The following ACACB variants were observed in gnomAD, a reference collection of about 807,000 sequenced individuals.
ACACB encodes acetyl-CoA carboxylase beta.
ACACB carries 209 observed loss-of-function variants against 278.8 expected under a neutral mutation model. The observed-to-expected ratio is 0.75, with a 90% CI of 0.67 to 0.84. The LOEUF is 0.84. ACACB is among the 40% of genes least tolerant of loss of function. ACACB has a pLI of 0.00. For synonymous variants in ACACB, 1,174 were observed against 1,285.6 expected (o/e 0.91, Z 1.86); for missense variants, 2,850 against 3,269.0 (o/e 0.87, Z 3.13).
chr12:109,113,071 A>G (rs2042340381), upstream of ACACB: 2 of 152,198 alleles, frequency 1.3e-5, no homozygotes, highest in Admixed American at 6.5e-5. Context: ...CTAAGCATTT[A>G]ACAAATGTAA....
Position 109,188,209 on chromosome 12 carries a change from CCTTCCT to C in ACACB, c.2144+48_2144+53del, listed in dbSNP as rs2044736173. 4 of 1,375,154 alleles carry C rather than the reference CCTTCCT, an allele frequency of 2.9e-6. No homozygotes were observed. In the East Asian group the frequency reaches 9.7e-5, roughly 33 times the overall value. 85.2% of individuals were successfully genotyped at this position (1,375,154 alleles called of 1,614,324 possible). On this transcript the variant is annotated intron_variant, in intron 13 of 52. Transcript: ENST00000338432. Reference sequence around the variant, plus strand: ...TCCTTCCTTCCTTCCTTCCTTCCTTCCTTCCTTCCTTCCTTCCTTCCTTCCCTCTCT... The same window carrying C: ...TCCTTCCTTCCTTCCTTCCTTCCTTCTCCTTCCTTCCTTCCTTCCCTCTCT...
chr12:109,111,262 G>T, the ACACB span: 1 of 152,480 alleles, frequency 6.6e-6, no homozygotes, highest in Non-Finnish European at 1.5e-5. Context: ...CCCCAGAGGG[G>T]TAACTAACGG....
chr12:109,209,793 G>GTA (rs1244447011), intron 21 of ACACB, among the ~76,000 whole-genome samples: 50 of 145,574 alleles, frequency 3.4e-4, no homozygotes, highest in South Asian at 6.4e-4. Flanking sequence ...GTATCTGTGT[G>GTA]TATATATATA....
At chr12:109,212,783 C>T (rs2045887194) in intron 21 of ACACB, 53 bp from the exon 22 acceptor site, 1 of 1,489,266 alleles carries the variant, frequency 6.7e-7, no homozygotes, top group Admixed American at 1.7e-5. Context: ...TAGGGGACTG[C>T]TGTGTGTCAT....
intron 13 of ACACB, 65 bp downstream of exon 13, chr12:109,188,227 T>TTCCTTCCC: frequency 1.2e-6 from 1 of 823,104 alleles, no homozygotes; most frequent in Admixed American, 2.6e-5. Context: ...CCTTCCTTCC[T>TTCCTTCCC]TCCTTCCCTC....
chr12:109,164,257 G>C (rs113719161), intron 2 of ACACB, among the ~76,000 whole-genome samples: 4 of 152,292 alleles, frequency 2.6e-5, no homozygotes, highest in African/African-American at 7.2e-5. Flanking sequence ...GTTTGAGATA[G>C]AGTCTCACTC....
intron 2 of ACACB, among the ~76,000 whole-genome samples, chr12:109,156,236 G>GA (rs930049657): frequency 2.7e-5 from 4 of 148,958 alleles, no homozygotes; most frequent in Non-Finnish European, 4.5e-5. Context: ...CCCCATCTCT[G>GA]AAAAAAAATG....
At chr12:109,246,529 AGGTG>A in intron 39 of ACACB, 81 bp downstream of exon 39, 2 of 1,530,676 alleles carry the variant, frequency 1.3e-6, no homozygotes, top group Admixed American at 1.9e-5. Flanking sequence ...CACCTGCAAG[AGGTG>A]AAAAAAATCT....
intron 39 of ACACB, among the ~76,000 whole-genome samples, chr12:109,246,705 C>T (rs1173957870): frequency 1.3e-5 from 2 of 152,072 alleles, no homozygotes; most frequent in South Asian, 2.1e-4. Context: ...AAACCCTGAG[C>T]TGATATACAC....
At chr12:109,167,654 T>TATATATA (rs71079531) in intron 3 of ACACB, among the ~76,000 whole-genome samples, 23 of 138,686 alleles carry the variant, frequency 1.7e-4, no homozygotes, top group South Asian at 4.6e-4. Context: ...TATATATATA[T>TATATATA]TTCAGACAAA....
At chr12:109,113,189 C>T (rs1378687159), upstream of ACACB, 2 of 152,210 alleles carry the variant, frequency 1.3e-5, no homozygotes, top group Non-Finnish European at 2.9e-5. Flanking sequence ...AAGGCAGCAA[C>T]GGCTGGGTCA....
chr12:109,246,531 G>A lies in ACACB; in HGVS notation c.5571+83G>A, dbSNP rs1254797411. 6 of 1,525,188 alleles carry A rather than the reference G, an allele frequency of 3.9e-6. No homozygotes were observed. The Admixed American group carries it at 9.5e-5, about 24-fold the overall frequency. The allele number at this position is 1,525,188 out of a possible 1,614,324, so 94.5% of individuals were successfully genotyped here. On this transcript the variant is annotated intron_variant, in intron 39 of 52. Coordinates refer to ENST00000338432, the MANE Select transcript of ACACB (RefSeq NM_001093.4). ...GTGGGAGTGCTAGCACCTGCAAGAG[G>A]TGAAAAAAATCTCACTTATGTATAA...
At chr12:109,166,219 C>A (rs1477292667) in intron 2 of ACACB, among the ~76,000 whole-genome samples, 1 of 152,148 alleles carries the variant, frequency 6.6e-6, no homozygotes, top group Non-Finnish European at 1.5e-5. Context: ...TGGACTTCTT[C>A]CCTGATCATA....
chr12:109,262,284 C>T (rs2047398554), intron 48 of ACACB, 73 bp from the exon 49 acceptor site: 1 of 1,208,748 alleles, frequency 8.3e-7, no homozygotes, highest in Non-Finnish European at 1.2e-6. Flanking sequence ...CCTCCAGCTC[C>T]CCCCACATCC....
Position 109,264,256 on chromosome 12 carries a change from A to T in ACACB, c.6812A>T (p.Asp2271Val). 6.2e-7 allele frequency: 1 copy of T among 1,613,878 alleles called. No homozygotes were observed. The highest frequency in any genetic ancestry group is 8.5e-7 in the Non-Finnish European group (1 of 1,179,992). The change falls in exon 50 of 53, where the codon GAC becomes GTC. Residue 2271 changes from aspartate (D) to valine (V), a missense_variant. Physicochemically the swap from Asp to Val is radical, Grantham distance 152. This residue lies in a region of ACACB where 579 missense variants were observed against 684.6 expected (regional missense o/e 0.85). Transcript: ENST00000338432. ...QLGEPDLSDK[D>V]RKDLEGRLKA... Reference sequence around the variant, plus strand: ...GGGGAACCTGATCTCTCCGACAAGGACCGAAAGGACCTGGAGGGCCGGCTA... The same window carrying T: ...GGGGAACCTGATCTCTCCGACAAGGTCCGAAAGGACCTGGAGGGCCGGCTA...
In ACACB at chr12:109,235,382, T is replaced by G. The variant is rs755520928; in HGVS notation, c.4404+13T>G. 1 of 1,610,614 alleles carries G rather than the reference T, an allele frequency of 6.2e-7. No homozygotes were observed. ...GATTGCCCAAGAGGTTAGTTCACAG[T>G]TCATCTCTATGAGTCTTTCCCATTC... On this transcript the variant is annotated intron_variant, in intron 32 of 52. Coordinates refer to ENST00000338432, the MANE Select transcript of ACACB (RefSeq NM_001093.4).
intron 19 of ACACB, among the ~76,000 whole-genome samples, chr12:109,205,152 C>T (rs1202623928): frequency 6.6e-6 from 1 of 152,212 alleles, no homozygotes; most frequent in East Asian, 1.9e-4. Context: ...CTGTGCCTGG[C>T]ATCACTAGTC....
chr12:109,209,796 T>C, intron 21 of ACACB, among the ~76,000 whole-genome samples: 1 of 148,246 alleles, frequency 6.7e-6, no homozygotes, highest in Admixed American at 6.7e-5. Flanking sequence ...TCTGTGTGTA[T>C]ATATATATAC....
Position 109,199,388 on chromosome 12 carries a change from C to G in ACACB, c.2628-14C>G. 2.0e-6 allele frequency: 3 copies of G among 1,463,838 alleles called. No individual in the cohort carries two copies. The highest frequency in any genetic ancestry group is 2.7e-6 in the Non-Finnish European group (3 of 1,101,184). The allele number at this position is 1,463,838 out of a possible 1,614,324, so 90.7% of individuals were successfully genotyped here. A position where few individuals can be genotyped will look rare whatever the true frequency, so the allele number is the denominator to read the frequency against. ...CCTCATCAGTCTCCCTACCCGACTC[C>G]TCCTCTCTCCCAGTTACCGAATTAC... On this transcript the variant is annotated splice_polypyrimidine_tract_variant and intron_variant, in intron 17 of 52. Coordinates refer to ENST00000338432, the MANE Select transcript of ACACB (RefSeq NM_001093.4).
Sources: allele counts gnomAD v4.1 joint callset (sites outside exome capture counted in the v4.1 genomes callset), GRCh38; gene constraint gnomAD v4.1.1; regional missense constraint gnomAD v4.1.1; transcripts MANE v1.5; gene names NCBI Gene and HGNC (gene_info 2026-07-23, HGNC 2026-07-21).